LSAMP: variants seen among roughly 807,000 people sequenced by gnomAD.
LSAMP encodes limbic system-associated membrane protein.
A neutral mutation model predicts 38.6 loss-of-function variants in LSAMP; 7 were observed. The ratio of observed to expected loss-of-function variants is 0.18; its 90% confidence interval spans 0.10 to 0.34. The LOEUF is 0.34. Ranked by LOEUF, LSAMP falls within the 10% of genes least tolerant of loss-of-function variation. LSAMP has a pLI of 1.00. For synonymous variants in LSAMP, 154 were observed against 166.8 expected (o/e 0.92, Z 0.59); for missense variants, 313 against 420.0 (o/e 0.75, Z 2.23).
At chr3:116,133,273 T>C (rs1709175440) in intron 1 of LSAMP, among the ~76,000 whole-genome samples, 1 of 151,742 alleles carries the variant, frequency 6.6e-6, no homozygotes. Flanking sequence ...TTGTTGTTGT[T>C]TTGTTTGTTT....
intron 1 of LSAMP, among the ~76,000 whole-genome samples, chr3:116,322,593 T>G (rs2047720520): frequency 6.6e-6 from 1 of 152,160 alleles, no homozygotes; most frequent in South Asian, 2.1e-4. Context: ...GATTCAGGTC[T>G]CACATATTTG....
intron 1 of LSAMP, among the ~76,000 whole-genome samples, chr3:116,147,798 C>T (rs1709523205): frequency 6.6e-6 from 1 of 151,930 alleles, no homozygotes; most frequent in South Asian, 2.1e-4. Context: ...TTAAGTTAGT[C>T]AGATGGTGTC....
intron 1 of LSAMP, among the ~76,000 whole-genome samples, chr3:116,297,863 T>C (rs1002858953): frequency 7.9e-5 from 12 of 152,206 alleles, no homozygotes; most frequent in Non-Finnish European, 1.0e-4. Context: ...GTTTTGCTCA[T>C]GTTTTCTAAT....
At chr3:115,897,145 T>C (rs552802977) in intron 3 of LSAMP, among the ~76,000 whole-genome samples, 1 of 152,206 alleles carries the variant, frequency 6.6e-6, no homozygotes, top group African/African-American at 2.4e-5. Flanking sequence ...GGTTCGGCTA[T>C]GGTATGTGTG....
intron 3 of LSAMP, among the ~76,000 whole-genome samples, chr3:115,858,208 A>G (rs1935569360): frequency 6.6e-6 from 1 of 151,300 alleles, no homozygotes; most frequent in Non-Finnish European, 1.5e-5. Flanking sequence ...TACATATAAG[A>G]TTTTACTGTT....
intron 1 of LSAMP, among the ~76,000 whole-genome samples, chr3:116,171,819 C>G (rs1710207154): frequency 6.6e-6 from 1 of 151,786 alleles, no homozygotes; most frequent in East Asian, 1.9e-4. Context: ...TAGACAGGAG[C>G]AAAAGAGACC....
intron 3 of LSAMP, among the ~76,000 whole-genome samples, chr3:115,861,065 CCCTCTCTCCCTCTTTCCTCCCCT>C (rs1185304857): frequency 0.02 from 1,187 of 60,178 alleles, 46 homozygotes; most frequent in African/African-American, 0.065. Context: ...CTCCCTCCCT[CCCTCTCTCCCTCTTTCCTCCCCT>C]CCCTCTCTCC....
chr3:116,129,095 A>T (rs2107499365), intron 1 of LSAMP, among the ~76,000 whole-genome samples: 1 of 152,328 alleles, frequency 6.6e-6, no homozygotes, highest in South Asian at 2.1e-4. Context: ...TAAATTTATG[A>T]TACCCCTTGA....
At chr3:116,402,647 C>T (rs1375751486) in intron 1 of LSAMP, among the ~76,000 whole-genome samples, 1 of 151,964 alleles carries the variant, frequency 6.6e-6, no homozygotes, top group Non-Finnish European at 1.5e-5. Context: ...CATACGTATA[C>T]ATCATCAAGC....
chr3:115,905,056 G>A (rs548440156), intron 3 of LSAMP, among the ~76,000 whole-genome samples: 2 of 152,152 alleles, frequency 1.3e-5, no homozygotes, highest in Non-Finnish European at 1.5e-5. Flanking sequence ...GCACATGGTG[G>A]GGTACAGGCT....
At chr3:116,439,547 A>T (rs76298335) in intron 1 of LSAMP, among the ~76,000 whole-genome samples, 4 of 145,390 alleles carry the variant, frequency 2.8e-5, no homozygotes, top group Non-Finnish European at 6.1e-5. Flanking sequence ...CTAAAAAAAA[A>T]GAAAAAAGAA....
At chr3:116,223,813 C>T (rs1269290558) in intron 1 of LSAMP, among the ~76,000 whole-genome samples, 1 of 152,078 alleles carries the variant, frequency 6.6e-6, no homozygotes, top group East Asian at 1.9e-4. Context: ...TGATTCCAGT[C>T]CCACAATGCT....
intron 1 of LSAMP, among the ~76,000 whole-genome samples, chr3:116,212,691 G>A: frequency 6.6e-6 from 1 of 152,160 alleles, no homozygotes; most frequent in East Asian, 1.9e-4. Context: ...ATCAAAACTT[G>A]TTTTGGAGTT....
chr3:115,939,768 C>T (rs1184694557), intron 3 of LSAMP, among the ~76,000 whole-genome samples: 1 of 151,924 alleles, frequency 6.6e-6, no homozygotes, highest in Non-Finnish European at 1.5e-5. Flanking sequence ...CTAGCTCTTC[C>T]AGGCTTGTCT....
At chr3:116,421,642 C>T (rs1428220045) in intron 1 of LSAMP, among the ~76,000 whole-genome samples, 1 of 151,344 alleles carries the variant, frequency 6.6e-6, no homozygotes, top group Non-Finnish European at 1.5e-5. Context: ...TAACACATTA[C>T]AAAAGAAGAC....
At chr3:116,303,022 C>T (rs552182121) in intron 1 of LSAMP, among the ~76,000 whole-genome samples, 2 of 152,268 alleles carry the variant, frequency 1.3e-5, no homozygotes, top group South Asian at 4.1e-4. Flanking sequence ...CTAAATTACA[C>T]ATATCCTGAG....
At chr3:116,005,719 G>A (rs1021142875) in intron 3 of LSAMP, among the ~76,000 whole-genome samples, 4 of 152,150 alleles carry the variant, frequency 2.6e-5, no homozygotes, top group African/African-American at 9.7e-5. Flanking sequence ...GCTCACACAT[G>A]CGTAAAACAA....
intron 1 of LSAMP, among the ~76,000 whole-genome samples, chr3:116,364,088 G>T: frequency 2.6e-5 from 1 of 38,488 alleles, no homozygotes; most frequent in Admixed American, 3.0e-4. Context: ...GTTTGCAGAC[G>T]ACATGATTGT....
At chr3:116,425,427 A>G (rs1302277643) in intron 1 of LSAMP, among the ~76,000 whole-genome samples, 3 of 152,230 alleles carry the variant, frequency 2.0e-5, no homozygotes, top group East Asian at 1.9e-4. Context: ...CACGTGGAAC[A>G]TGGAAGATAA....
Sources: allele counts gnomAD v4.1 joint callset (sites outside exome capture counted in the v4.1 genomes callset), GRCh38; gene constraint gnomAD v4.1.1; transcripts MANE v1.5; gene names NCBI Gene and HGNC (gene_info 2026-07-23, HGNC 2026-07-21).